ALK: variants seen among roughly 807,000 people sequenced by gnomAD.
The protein encoded by ALK is ALK receptor tyrosine kinase.
In ALK, 74 loss-of-function variants were observed where a neutral mutation model predicts 163.1. The ratio of observed to expected loss-of-function variants is 0.45; its 90% CI spans 0.38 to 0.55. The LOEUF (loss-of-function observed/expected upper bound fraction) is 0.55. Ranked by LOEUF, ALK falls within the 20% of genes least tolerant of loss-of-function variation. The probability of loss-of-function intolerance (pLI) is 0.00; values close to 1 mark genes in which losing one functional copy is unlikely to be tolerated. For missense variants in ALK, 2,063 were observed against 2,105.3 expected (o/e 0.98, Z 0.39); for synonymous variants, 960 against 843.2 (o/e 1.14, Z -2.40).
At chr2:29,841,868 T>C (rs1665710177) in intron 1 of ALK, among the ~76,000 whole-genome samples, 1 of 152,218 alleles carries the variant, frequency 6.6e-6, no homozygotes, top group Non-Finnish European at 1.5e-5. Flanking sequence ...TAACTGTTCC[T>C]TGACCCTTAT....
chr2:29,777,994 AG>A (rs1471038604), intron 1 of ALK, among the ~76,000 whole-genome samples: 1 of 152,188 alleles, frequency 6.6e-6, no homozygotes, highest in Non-Finnish European at 1.5e-5. Context: ...CAGATGCAAA[AG>A]TACTCCAGGT....
At chr2:29,311,207 A>G (rs1666685452) in intron 8 of ALK, among the ~76,000 whole-genome samples, 2 of 152,226 alleles carry the variant, frequency 1.3e-5, no homozygotes, top group Admixed American at 1.3e-4. Flanking sequence ...CCATAGTTGA[A>G]GCTGACTTCA....
chr2:29,908,689 C>T (rs915847294), intron 1 of ALK, among the ~76,000 whole-genome samples: 22 of 152,234 alleles, frequency 1.4e-4, no homozygotes, highest in Non-Finnish European at 2.9e-5. Flanking sequence ...AACTACTGCT[C>T]ATCTGCCTTT....
chr2:29,229,799 T>C (rs1054000137), intron 15 of ALK, among the ~76,000 whole-genome samples: 1 of 152,184 alleles, frequency 6.6e-6, no homozygotes, highest in Non-Finnish European at 1.5e-5. Context: ...GGGCTCAGCC[T>C]GCTTAGAGGT....
chr2:29,226,199 C>T (rs938454277), intron 18 of ALK, among the ~76,000 whole-genome samples: 1 of 151,886 alleles, frequency 6.6e-6, no homozygotes, highest in Non-Finnish European at 1.5e-5. Flanking sequence ...GAGGATGGGG[C>T]CAGGTGCGGT....
intron 1 of ALK, chr2:29,892,381 G>A (rs1301886154): frequency 6.6e-6 from 1 of 152,204 alleles, no homozygotes; most frequent in African/African-American, 2.4e-5. Flanking sequence ...AAAGTTGTTG[G>A]AAAGTATCAA....
intron 3 of ALK, among the ~76,000 whole-genome samples, chr2:29,575,646 G>T (rs1674503019): frequency 6.6e-6 from 1 of 152,202 alleles, no homozygotes; most frequent in Non-Finnish European, 1.5e-5. Flanking sequence ...CTTTAGGAGA[G>T]CAGGGCAACC....
intron 1 of ALK, among the ~76,000 whole-genome samples, chr2:29,852,832 T>TGCTCTCTC (rs1298090937): frequency 6.7e-6 from 1 of 148,476 alleles, no homozygotes; most frequent in African/African-American, 2.5e-5. Flanking sequence ...GACCAGAGCT[T>TGCTCTCTC]TCTCTCTCTC....
chr2:29,876,726 A>G (rs975789733), intron 1 of ALK, among the ~76,000 whole-genome samples: 2 of 146,188 alleles, frequency 1.4e-5, no homozygotes, highest in African/African-American at 5.1e-5. Flanking sequence ...GATGGTGATG[A>G]TGATGGTGGT....
chr2:29,200,600 A>G (rs1669132629), intron 26 of ALK, among the ~76,000 whole-genome samples: 1 of 151,740 alleles, frequency 6.6e-6, no homozygotes, highest in African/African-American at 2.4e-5. Flanking sequence ...AACCCTACAG[A>G]TGAGGCAAAT....
At chr2:29,800,119 G>C (rs894683935) in intron 1 of ALK, among the ~76,000 whole-genome samples, 6 of 152,236 alleles carry the variant, frequency 3.9e-5, no homozygotes, top group African/African-American at 1.4e-4. Flanking sequence ...GGAGATGAAA[G>C]TGAGGGGTGG....
chr2:29,327,340 A>T (rs991966775), intron 6 of ALK, among the ~76,000 whole-genome samples: 1 of 152,196 alleles, frequency 6.6e-6, no homozygotes, highest in South Asian at 2.1e-4. Flanking sequence ...GGGAAAGATG[A>T]CCAGACTCAA....
At chr2:29,729,778 A>G (rs1679684048) in intron 1 of ALK, among the ~76,000 whole-genome samples, 1 of 152,214 alleles carries the variant, frequency 6.6e-6, no homozygotes. Context: ...ATCTTTCAGA[A>G]TATAATTTAA....
chr2:29,575,331 A>C (rs778283849), intron 3 of ALK, among the ~76,000 whole-genome samples: 1 of 152,214 alleles, frequency 6.6e-6, no homozygotes, highest in African/African-American at 2.4e-5. Context: ...TTTTATGGAA[A>C]GCTGCGAATG....
chr2:29,323,673 T>C (rs989083882), intron 6 of ALK, among the ~76,000 whole-genome samples: 1 of 152,186 alleles, frequency 6.6e-6, no homozygotes, highest in Non-Finnish European at 1.5e-5. Flanking sequence ...CTGAGGAAGC[T>C]GGTGGGTTAA....
chr2:29,544,737 C>T (rs749409332), intron 3 of ALK, among the ~76,000 whole-genome samples: 29 of 152,006 alleles, frequency 1.9e-4, no homozygotes, highest in African/African-American at 4.8e-4. Context: ...GGCAGAATCA[C>T]GCTCCTGGAA....
In ALK at chr2:29,434,800, C is replaced by T. The variant is rs145398003; in HGVS notation, c.1155-50941G>A. Among the ~76,000 whole-genome samples, 566 of 152,260 alleles carry T rather than the reference C, an allele frequency of 3.7e-3. 3 individuals carry two copies. The highest frequency in any genetic ancestry group is 0.013 in the African/African-American group (539 of 41,550). On this transcript the variant is annotated intron_variant, in intron 4 of 28. Transcript: ENST00000389048. ...CAATTCTAATGGACATTGCTGAGCTCAGGGTTGAATGATGAGGCCATTGTG... is the reference window on the plus strand; with the variant it reads ...CAATTCTAATGGACATTGCTGAGCTTAGGGTTGAATGATGAGGCCATTGTG...
chr2:29,277,813 G>GC (rs1665586317), intron 9 of ALK, among the ~76,000 whole-genome samples: 1 of 152,236 alleles, frequency 6.6e-6, no homozygotes, highest in Non-Finnish European at 1.5e-5. Context: ...TGCCACTCTG[G>GC]CACTGGGGTG....
At chr2:29,635,872 C>A (rs1233703711) in intron 3 of ALK, among the ~76,000 whole-genome samples, 1 of 151,896 alleles carries the variant, frequency 6.6e-6, no homozygotes, top group African/African-American at 2.4e-5. Flanking sequence ...CTCAAGTAAT[C>A]CACCCACCTC....
Sources: allele counts gnomAD v4.1 joint callset (sites outside exome capture counted in the v4.1 genomes callset), GRCh38; gene constraint gnomAD v4.1.1; transcripts MANE v1.5; gene names NCBI Gene and HGNC (gene_info 2026-07-23, HGNC 2026-07-21).